PNPLA3: variants seen among roughly 807,000 people sequenced by gnomAD.
The protein encoded by PNPLA3 is patatin like domain 3, 1-acylglycerol-3-phosphate O-acyltransferase, also known as 1-acylglycerol-3-phosphate O-acyltransferase PNPLA3.
A neutral mutation model predicts 43.1 loss-of-function variants in PNPLA3; 42 were observed. The ratio of observed to expected loss-of-function variants is 0.97; its 90% CI spans 0.76 to 1.26. The LOEUF is 1.26. Among genes scored for constraint, PNPLA3 ranks in the 50% most tolerant of loss-of-function variants. PNPLA3 has a pLI of 0.00. For synonymous variants in PNPLA3, 272 were observed against 253.6 expected, an observed-to-expected ratio of 1.07 and a Z score of -0.69; for missense variants, 647 against 621.4, an observed-to-expected ratio of 1.04 and a Z score of -0.44.
chr22:43,933,509 C>T (rs1054394099), intron 4 of PNPLA3, among the ~76,000 whole-genome samples: 8 of 152,134 alleles, frequency 5.3e-5, no homozygotes, highest in African/African-American at 1.4e-4. Flanking sequence ...ACCTCAGCCT[C>T]CTAAGGAGCT....
chr22:43,943,038 G>A lies in PNPLA3; in HGVS notation c.1113-1653G>A, dbSNP rs145508036. On this transcript the variant is annotated intron_variant, in intron 7 of 8. Coordinates refer to ENST00000216180, the MANE Select transcript of PNPLA3 (RefSeq NM_025225.3). ...TTTTCATCACTCGTTGTCTTTTTGCGTCTGCTCTGACAGATTTCCTCAAAT... is the reference window on the plus strand; with the variant it reads ...TTTTCATCACTCGTTGTCTTTTTGCATCTGCTCTGACAGATTTCCTCAAAT... Among the ~76,000 whole-genome samples, 241 of 151,764 alleles carry A rather than the reference G, an allele frequency of 1.6e-3. 1 individual carries two copies. The highest frequency in any genetic ancestry group is 5.4e-3 in the African/African-American group (225 of 41,350).
chr22:43,944,881 G>A, intron 8 of PNPLA3, 86 bp downstream of exon 8: 1 of 1,191,990 alleles, frequency 8.4e-7, no homozygotes, highest in South Asian at 1.3e-5. Context: ...GAAACAGCTG[G>A]CTGAACACCA....
intron 1 of PNPLA3, 94 bp from the exon 2 acceptor site, chr22:43,926,841 T>G (rs2049925928): frequency 9.9e-7 from 1 of 1,014,192 alleles, no homozygotes; most frequent in African/African-American, 1.6e-5. Context: ...AGAGAAATGT[T>G]GGTGGCATCC....
Position 43,933,053 on chromosome 22 carries a change from T to G in PNPLA3, c.662T>G (p.Leu221Arg). ...SLRLCTGNLY[L>R]LSRAFVPPDL... ...CGCCTCTGCACAGGGAACCTCTACC[T>G]TCTCTCGAGAGCTTTTGTCCCCCCG... Residue 221 changes from leucine (L) to arginine (R), a missense_variant, in exon 4 of 9, where the codon CTT becomes CGT. By Grantham distance (102) the Leu-to-Arg change is moderately radical. Coordinates refer to ENST00000216180, the MANE Select transcript of PNPLA3 (RefSeq NM_025225.3). 1.9e-6 allele frequency: 3 copies of G among 1,614,098 alleles called. No homozygotes were observed. Among genetic ancestry groups the G allele is most frequent in the Non-Finnish European group, 1.7e-6 (2 of 1,180,032 alleles).
chr22:43,946,434 C>A lies in PNPLA3; in HGVS notation c.*52C>A. Reference sequence around the variant, plus strand: ...ATTCTTTCAGAGGTGCTAAAGTTTCCCATCTTTGTGCAGCTACCTCCGCAT... The same window carrying A: ...ATTCTTTCAGAGGTGCTAAAGTTTCACATCTTTGTGCAGCTACCTCCGCAT... On this transcript the variant is annotated 3_prime_UTR_variant, in exon 9 of 9. Transcript: ENST00000216180. 6.5e-7 allele frequency: 1 copy of A among 1,546,600 alleles called. No individual in the cohort carries two copies. The highest frequency in any genetic ancestry group is 8.9e-7 in the Non-Finnish European group (1 of 1,119,464).
chr22:43,929,654 T>C (rs1246834244), intron 3 of PNPLA3, among the ~76,000 whole-genome samples: 1 of 146,430 alleles, frequency 6.8e-6, no homozygotes, highest in Non-Finnish European at 1.5e-5. Flanking sequence ...TGGAGTGCAG[T>C]GGTGCAATCT....
intron 2 of PNPLA3, among the ~76,000 whole-genome samples, chr22:43,927,930 A>G (rs2049935695): frequency 6.6e-6 from 1 of 152,196 alleles, no homozygotes; most frequent in Non-Finnish European, 1.5e-5. Context: ...CGTCCAGTCC[A>G]AGGAACCTGT....
chr22:43,931,019 C>T (rs933357460), intron 3 of PNPLA3, among the ~76,000 whole-genome samples: 5 of 152,080 alleles, frequency 3.3e-5, no homozygotes, highest in Admixed American at 1.3e-4. Flanking sequence ...CCCAGCTACT[C>T]GGGAGGCTGA....
At chr22:43,934,023 G>A (rs1015800026) in intron 4 of PNPLA3, among the ~76,000 whole-genome samples, 5 of 152,100 alleles carry the variant, frequency 3.3e-5, no homozygotes, top group Non-Finnish European at 5.9e-5. Flanking sequence ...GGAGCCCAAA[G>A]AAACAAGCTC....
At chr22:43,933,203 A>T in intron 4 of PNPLA3, 116 bp downstream of exon 4, 3 of 983,562 alleles carry the variant, frequency 3.1e-6, no homozygotes, top group Non-Finnish European at 3.0e-6. Flanking sequence ...CCTGTCCTTG[A>T]TGGTTAACGG....
rs2050071079 is a variant in PNPLA3, at chr22:43,947,479, G to A, written c.*1097G>A. 6.3e-6 allele frequency: 1 copy of A among 158,192 alleles called. No homozygotes were observed. Among genetic ancestry groups the A allele is most frequent in the South Asian group, 2.0e-4 (1 of 4,902 alleles). 9.8% of individuals were successfully genotyped at this position (158,192 alleles called of 1,614,324 possible). The stretch of plus-strand genomic sequence containing the variant: ...TCCTCTCCACTGGAGCACACAACTT[G>A]AACCTGGCTTATTTTCTGCAGGGAC... On this transcript the variant is annotated 3_prime_UTR_variant, in exon 9 of 9. Coordinates refer to ENST00000216180, the MANE Select transcript of PNPLA3 (RefSeq NM_025225.3).
chr22:43,946,825 C>T lies in PNPLA3; in HGVS notation c.*443C>T, dbSNP rs1458965880. 2.1e-6 allele frequency: 1 copy of T among 477,260 alleles called. No individual in the cohort carries two copies. Among genetic ancestry groups the T allele is most frequent in the Non-Finnish European group, 4.2e-6 (1 of 240,266 alleles). The allele number at this position is 477,260 out of a possible 1,614,324, so 29.6% of individuals were successfully genotyped here. A position where few individuals can be genotyped will look rare whatever the true frequency, so the allele number is the denominator to read the frequency against. On this transcript the variant is annotated 3_prime_UTR_variant, in exon 9 of 9. Coordinates refer to ENST00000216180, the MANE Select transcript of PNPLA3 (RefSeq NM_025225.3). ...CTTCCCCATGCTGTGGGAAGGGGTGCAGTTCGTCCCCAAGAACGACACTGC... is the reference window on the plus strand; with the variant it reads ...CTTCCCCATGCTGTGGGAAGGGGTGTAGTTCGTCCCCAAGAACGACACTGC...
chr22:43,930,258 G>A (rs915028579), intron 3 of PNPLA3, among the ~76,000 whole-genome samples: 4 of 152,142 alleles, frequency 2.6e-5, no homozygotes, highest in African/African-American at 4.8e-5. Flanking sequence ...CACGGCCAGC[G>A]AGCTTGCACC....
intron 7 of PNPLA3, among the ~76,000 whole-genome samples, chr22:43,942,701 C>CTTT (rs398037291): frequency 0.15 from 17,172 of 113,370 alleles, 1,624 homozygotes; most frequent in East Asian, 0.29. Flanking sequence ...TTTCTTTTTT[C>CTTT]TTTTTTTTTT....
chr22:43,924,376 AG>A (rs2049907733), intron 1 of PNPLA3: 1 of 442,196 alleles, frequency 2.3e-6, no homozygotes, highest in Non-Finnish European at 4.0e-6. Context: ...CCGTGCATGA[AG>A]GGAGACCCTC....
intron 6 of PNPLA3, among the ~76,000 whole-genome samples, chr22:43,937,602 C>T (rs1355028884): frequency 1.3e-5 from 2 of 152,116 alleles, no homozygotes; most frequent in African/African-American, 2.4e-5. Flanking sequence ...ACTCTGTCTC[C>T]CTAACATGGC....
In PNPLA3 at chr22:43,932,908, G is replaced by A. The variant is rs377410768; in HGVS notation, c.517G>A (p.Val173Ile). Residue 173 changes from valine to isoleucine, a missense_variant, in exon 4 of 9, where the codon GTA (valine) becomes ATA (isoleucine). Coordinates refer to ENST00000216180, the MANE Select transcript of PNPLA3 (RefSeq NM_025225.3). The stretch of plus-strand genomic sequence containing the variant: ...TGTGGATGGAGGAGTGAGTGACAAC[G>A]TACCCTTCATTGATGCCAAAACAAC... ...RYVDGGVSDN[V>I]PFIDAKTTIT... The A allele has an allele frequency of 5.1e-5, 82 of 1,614,154 alleles. No homozygotes were observed. The highest frequency in any genetic ancestry group is 6.7e-5 in the Admixed American group (4 of 60,032).
chr22:43,933,487 A>C (rs2049975103), intron 4 of PNPLA3, among the ~76,000 whole-genome samples: 1 of 152,116 alleles, frequency 6.6e-6, no homozygotes, highest in Non-Finnish European at 1.5e-5. Context: ...CCTGGGTTCA[A>C]GCAGTCCTCC....
Position 43,946,821 on chromosome 22 carries a change from G to T in PNPLA3, c.*439G>T. On this transcript the variant is annotated 3_prime_UTR_variant, in exon 9 of 9. Coordinates refer to ENST00000216180, the MANE Select transcript of PNPLA3 (RefSeq NM_025225.3). ...CCCACTTCCCCATGCTGTGGGAAGG[G>T]GTGCAGTTCGTCCCCAAGAACGACA... 1 of 484,776 alleles carries T rather than the reference G, an allele frequency of 2.1e-6. No homozygotes were observed. Among genetic ancestry groups the T allele is most frequent in the East Asian group, 5.5e-5 (1 of 18,040 alleles). The allele number at this position is 484,776 out of a possible 1,614,324, so 30.0% of individuals were successfully genotyped here.
Sources: gnomAD v4.1 joint callset for allele counts (sites outside exome capture counted in the v4.1 genomes callset) on GRCh38, gnomAD v4.1.1 for gene constraint, MANE v1.5 for transcripts, NCBI Gene and HGNC (gene_info 2026-07-23, HGNC 2026-07-21) for gene names.